GTF2I: variants seen among roughly 807,000 people sequenced by gnomAD.
GTF2I encodes general transcription factor IIi.
GTF2I carries 12 observed loss-of-function variants against 67.6 expected under a neutral mutation model. That is an observed-to-expected ratio of 0.18 (90% CI 0.11 to 0.29). GTF2I has a LOEUF of 0.29. GTF2I is among the 10% of genes least tolerant of loss of function. GTF2I has a pLI of 1.00. For synonymous variants in GTF2I, 149 were observed against 197.0 expected, an observed-to-expected ratio of 0.76 and a Z score of 2.04; for missense variants, 271 against 580.1, an observed-to-expected ratio of 0.47 and a Z score of 5.47.
At chr7:74,719,657 C>T (rs1383377166) in intron 12 of GTF2I, among the ~76,000 whole-genome samples, 1 of 152,180 alleles carries the variant, frequency 6.6e-6, no homozygotes, top group African/African-American at 2.4e-5. Context: ...CGGTGGCTCA[C>T]ACCTGTAATC....
At chr7:74,712,233 T>C (rs1417075168) in intron 9 of GTF2I, among the ~76,000 whole-genome samples, 1 of 152,128 alleles carries the variant, frequency 6.6e-6, no homozygotes, top group African/African-American at 2.4e-5. Context: ...TTACAGGGGC[T>C]AACACGCTTT....
At chr7:74,667,925 C>T (rs1359911829) in intron 1 of GTF2I, among the ~76,000 whole-genome samples, 1 of 151,552 alleles carries the variant, frequency 6.6e-6, no homozygotes, top group African/African-American at 2.4e-5. Context: ...CCTCCATCTC[C>T]CGGGTTCAAG....
intron 1 of GTF2I, among the ~76,000 whole-genome samples, chr7:74,675,947 T>C (rs757495622): frequency 1.3e-4 from 20 of 151,978 alleles, no homozygotes; most frequent in Admixed American, 2.6e-4. Context: ...GAGGCAGAGG[T>C]TGCAGTGAGC....
At chr7:74,688,610 T>A (rs77206424) in intron 1 of GTF2I, among the ~76,000 whole-genome samples, 150,556 of 152,268 alleles carry the variant, frequency 0.99, 74,433 homozygotes, top group East Asian at 1. Flanking sequence ...GCATGAGCCA[T>A]CGTGCCTGGC....
chr7:74,693,014 G>A (rs1174463926), intron 3 of GTF2I, among the ~76,000 whole-genome samples: 2 of 152,036 alleles, frequency 1.3e-5, no homozygotes, highest in African/African-American at 2.4e-5. Flanking sequence ...TGCCCGCCTC[G>A]GCCTCCCAAA....
At chr7:74,669,223 AGTTTT>A (rs1285679926) in intron 1 of GTF2I, among the ~76,000 whole-genome samples, 1 of 92,590 alleles carries the variant, frequency 1.1e-5, no homozygotes, top group Non-Finnish European at 2.1e-5. Context: ...AGACTAGTTT[AGTTTT>A]TTTTTTTTTT....
At chr7:74,681,532 T>C (rs1459618190) in intron 1 of GTF2I, among the ~76,000 whole-genome samples, 1 of 152,212 alleles carries the variant, frequency 6.6e-6, no homozygotes, top group African/African-American at 2.4e-5. Flanking sequence ...AATCACAGTA[T>C]ATCCCGTGTC....
At chr7:74,719,677 T>A (rs587599042) in intron 12 of GTF2I, among the ~76,000 whole-genome samples, 2 of 152,192 alleles carry the variant, frequency 1.3e-5, no homozygotes, top group African/African-American at 4.8e-5. Context: ...CCCAGCACTT[T>A]GGGAGGCCAA....
intron 1 of GTF2I, among the ~76,000 whole-genome samples, chr7:74,664,410 CA>C (rs1804789526): frequency 6.6e-6 from 1 of 152,110 alleles, no homozygotes; most frequent in African/African-American, 2.4e-5. Context: ...AGGATTGACT[CA>C]TTCTCCTTTG....
chr7:74,716,759 A>C (rs1792316284), intron 10 of GTF2I, 135 bp from the exon 11 acceptor site: 1 of 580,286 alleles, frequency 1.7e-6, no homozygotes, highest in Non-Finnish European at 3.0e-6. Flanking sequence ...GTTCGACTTA[A>C]CTGCTAAAGA....
At chr7:74,673,007 C>T (rs901536992) in intron 1 of GTF2I, among the ~76,000 whole-genome samples, 8 of 151,822 alleles carry the variant, frequency 5.3e-5, no homozygotes, top group Non-Finnish European at 1.2e-4. Flanking sequence ...ACTACAGGCG[C>T]GTGCCACCAC....
chr7:74,663,652 TC>T (rs1804714389), intron 1 of GTF2I, among the ~76,000 whole-genome samples: 1 of 152,108 alleles, frequency 6.6e-6, no homozygotes, highest in Admixed American at 6.6e-5. Context: ...ATACACCTAA[TC>T]AGTTGCTTAT....
At chr7:74,723,404 G>A (rs1554405013) in intron 12 of GTF2I, among the ~76,000 whole-genome samples, 1 of 133,922 alleles carries the variant, frequency 7.5e-6, no homozygotes, top group African/African-American at 2.8e-5. Context: ...TGGGATTACA[G>A]GCATAAGCCA....
Position 74,706,406 on chromosome 7 carries a change from G to A in GTF2I, c.658G>A (p.Val220Met). 6.2e-7 allele frequency: 1 copy of A among 1,613,766 alleles called. No homozygotes were observed. The highest frequency in any genetic ancestry group is 8.5e-7 in the Non-Finnish European group (1 of 1,179,672). The part of the protein sequence containing the change: ...SPGGSCGPIK[V>M]KTEPTEDSGI... The stretch of plus-strand genomic sequence containing the variant: ...TCCTTGCAGTTGTGGCCCCATCAAA[G>A]TGAAAACTGAACCCACAGAAGATTC... The change falls in exon 8 of 35, where the codon GTG (valine) becomes ATG (methionine). Residue 220 changes from valine (V) to methionine (M), a missense_variant. Physicochemically the swap from Val to Met is conservative, Grantham distance 21. This residue lies in a region of GTF2I where 124 missense variants were observed against 147.0 expected (regional missense o/e 0.84). Coordinates refer to ENST00000573035, the MANE Select transcript of GTF2I (RefSeq NM_032999.4).
chr7:74,665,316 A>T (rs1554388133), intron 1 of GTF2I, among the ~76,000 whole-genome samples: 1 of 151,314 alleles, frequency 6.6e-6, no homozygotes, highest in African/African-American at 2.4e-5. Context: ...CAGTGGCATG[A>T]TCTCAGCTCA....
chr7:74,717,200 C>T, intron 11 of GTF2I: 1 of 326,420 alleles, frequency 3.1e-6, no homozygotes, highest in East Asian at 5.0e-5. Flanking sequence ...ATGCAAAATG[C>T]TACTTTTTTT....
At chr7:74,689,267 C>G (rs782803925) in intron 2 of GTF2I, 40 bp downstream of exon 2, 3 of 1,037,794 alleles carry the variant, frequency 2.9e-6, no homozygotes, top group East Asian at 4.8e-5. Flanking sequence ...TTGGGTAGGC[C>G]TGCACTGTAG....
At chr7:74,690,339 G>A (rs368926125) in intron 2 of GTF2I, among the ~76,000 whole-genome samples, 16 of 152,174 alleles carry the variant, frequency 1.1e-4, no homozygotes, top group Non-Finnish European at 2.4e-4. Flanking sequence ...ATCATTCAAG[G>A]TATATTCATT....
At chr7:74,671,315 G>A (rs1554390596) in intron 1 of GTF2I, among the ~76,000 whole-genome samples, 1 of 151,956 alleles carries the variant, frequency 6.6e-6, no homozygotes, top group African/African-American at 2.4e-5. Flanking sequence ...TTGAACTCCT[G>A]ACCTCAGGTG....
Sources: allele counts gnomAD v4.1 joint callset (sites outside exome capture counted in the v4.1 genomes callset), GRCh38; gene constraint gnomAD v4.1.1; regional missense constraint gnomAD v4.1.1; transcripts MANE v1.5; gene names NCBI Gene and HGNC (gene_info 2026-07-23, HGNC 2026-07-21).